Variants in CLNK observed in about 807,000 individuals in gnomAD.
CLNK encodes the protein cytokine-dependent hematopoietic cell linker.
Under a neutral mutation model 68.6 loss-of-function variants are expected in CLNK, and 74 were observed. The observed-to-expected ratio is 1.08, with a 90% CI of 0.89 to 1.31. The LOEUF (loss-of-function observed/expected upper bound fraction) is 1.31, where lower values mean the gene tolerates loss of function less well. Ranked by LOEUF, CLNK falls within the 50% of genes most tolerant of loss-of-function variation. The probability of loss-of-function intolerance (pLI) is 0.00; values close to 1 mark genes in which losing one functional copy is unlikely to be tolerated. For synonymous variants in CLNK, 198 were observed against 172.2 expected (o/e 1.15, Z -1.17); for missense variants, 553 against 515.3 (o/e 1.07, Z -0.71).
At chr4:10,687,696 C>A (rs545669650), upstream of CLNK, among the ~76,000 whole-genome samples, 1 of 152,166 alleles carries the variant, frequency 6.6e-6, no homozygotes, top group East Asian at 1.9e-4. Context: ...AAGAGCGTGA[C>A]ACAGAAGCAA....
chr4:10,552,005 G>A (rs562271762), intron 8 of CLNK, among the ~76,000 whole-genome samples: 30 of 151,880 alleles, frequency 2.0e-4, no homozygotes, highest in Non-Finnish European at 3.8e-4. Context: ...GCGTCAGAAC[G>A]CTGGGCTAAT....
intron 2 of CLNK, among the ~76,000 whole-genome samples, chr4:10,649,958 G>A (rs1444800163): frequency 6.6e-6 from 1 of 152,088 alleles, no homozygotes; most frequent in Non-Finnish European, 1.5e-5. Context: ...TAGCTGTTCA[G>A]TCTAGATATT....
At chr4:10,638,521 T>C (rs1444608897) in intron 2 of CLNK, among the ~76,000 whole-genome samples, 1 of 152,226 alleles carries the variant, frequency 6.6e-6, no homozygotes, top group East Asian at 1.9e-4. Context: ...TTATTAAATA[T>C]AGACTCTGTG....
intron 8 of CLNK, among the ~76,000 whole-genome samples, chr4:10,550,421 G>A (rs1057112403): frequency 1.3e-5 from 2 of 152,242 alleles, no homozygotes; most frequent in African/African-American, 4.8e-5. Context: ...TGTGAACCCG[G>A]GAGGCGGAGC....
the CLNK span, among the ~76,000 whole-genome samples, chr4:10,701,001 AC>A: frequency 6.6e-6 from 1 of 152,132 alleles, no homozygotes; most frequent in Admixed American, 6.5e-5. Flanking sequence ...AATCGTGATC[AC>A]CGTCTGCACC....
intron 3 of CLNK, among the ~76,000 whole-genome samples, chr4:10,591,775 C>T (rs1323499145): frequency 6.6e-6 from 1 of 152,184 alleles, no homozygotes; most frequent in Admixed American, 6.5e-5. Context: ...TCTCTCAATC[C>T]AGATGAAATT....
In CLNK at chr4:10,503,248, G is replaced by A. The variant is rs1717129318; in HGVS notation, c.985-1837C>T. On this transcript the variant is annotated intron_variant, in intron 17 of 18. Transcript: ENST00000226951. ...GGCCGACGCGGGTGGATCACTTGAG[G>A]TCAGGAGTTCGAGACTTAGCCCGGC... 2.0e-5 allele frequency among the ~76,000 whole-genome samples: 3 copies of A among 152,066 alleles called. No homozygotes were observed. The South Asian group carries it at 6.2e-4, about 32-fold the overall frequency.
intron 18 of CLNK, among the ~76,000 whole-genome samples, chr4:10,500,686 A>AT (rs397955700): frequency 6.7e-6 from 1 of 150,310 alleles, no homozygotes; most frequent in Non-Finnish European, 1.5e-5. Flanking sequence ...AAAAAAAAAA[A>AT]TGCAGATAGA....
chr4:10,706,817 A>G, the CLNK span, among the ~76,000 whole-genome samples: 1 of 151,690 alleles, frequency 6.6e-6, no homozygotes, highest in Non-Finnish European at 1.5e-5. Context: ...AAAATAAAAG[A>G]CCCCCAACCA....
the CLNK span, among the ~76,000 whole-genome samples, chr4:10,693,406 C>T: frequency 6.6e-6 from 1 of 152,162 alleles, no homozygotes; most frequent in Non-Finnish European, 1.5e-5. Flanking sequence ...GAAAAGAGAA[C>T]CCCATTTGAA....
At chr4:10,510,575 A>T (rs1278939342) in intron 16 of CLNK, among the ~76,000 whole-genome samples, 3 of 152,166 alleles carry the variant, frequency 2.0e-5, no homozygotes, top group Non-Finnish European at 2.9e-5. Context: ...TTGGGTCATG[A>T]TGGGAAGTAG....
upstream of CLNK, chr4:10,684,812 C>G (rs1250584060): frequency 1.3e-5 from 2 of 152,174 alleles, no homozygotes; most frequent in Admixed American, 1.3e-4. Context: ...TGCCCTTCAG[C>G]AGAAAACCTC....
chr4:10,676,446 A>G (rs1003295101), intron 1 of CLNK, among the ~76,000 whole-genome samples: 42 of 116,580 alleles, frequency 3.6e-4, no homozygotes, highest in African/African-American at 1.1e-3. Flanking sequence ...TTTTTCTGCT[A>G]TTATGTATGG....
intron 8 of CLNK, among the ~76,000 whole-genome samples, chr4:10,550,798 C>A (rs1413168643): frequency 6.6e-6 from 1 of 152,154 alleles, no homozygotes; most frequent in African/African-American, 2.4e-5. Flanking sequence ...AAGTTGAGAA[C>A]TTCCACCTTT....
intron 2 of CLNK, among the ~76,000 whole-genome samples, chr4:10,652,717 C>T (rs1395459226): frequency 6.6e-6 from 1 of 152,154 alleles, no homozygotes; most frequent in Non-Finnish European, 1.5e-5. Flanking sequence ...CAGACAAATT[C>T]ACAATTACTT....
intron 13 of CLNK, among the ~76,000 whole-genome samples, chr4:10,526,959 G>A (rs1560201955): frequency 6.6e-6 from 1 of 152,174 alleles, no homozygotes; most frequent in Admixed American, 6.5e-5. Context: ...GCACCAACAT[G>A]TTTTAATTGT....
chr4:10,624,527 C>T (rs1185729486), intron 2 of CLNK, among the ~76,000 whole-genome samples: 4 of 151,568 alleles, frequency 2.6e-5, no homozygotes, highest in Non-Finnish European at 5.9e-5. Flanking sequence ...CTCCTGACCT[C>T]GTGATCTGCC....
In CLNK at chr4:10,490,948, A is replaced by G. The variant is rs181881551; in HGVS notation, c.1141-335T>C. ...CCCAGCTAATTTTTGTATTTTTAGT[A>G]GAGACAGGGTTTCGCCATGTTGGCC... is the stretch of plus-strand genomic sequence containing the variant. On this transcript the variant is annotated intron_variant, in intron 18 of 18. Coordinates refer to ENST00000226951, the MANE Select transcript of CLNK (RefSeq NM_052964.4). Among the ~76,000 whole-genome samples, 1,255 of 152,068 alleles carry G rather than the reference A, an allele frequency of 8.3e-3. 11 individuals carry two copies. The highest frequency in any genetic ancestry group is 0.037 in the Middle Eastern group (11 of 294).
At chr4:10,670,408 C>T (rs993754957) in intron 1 of CLNK, among the ~76,000 whole-genome samples, 4 of 152,226 alleles carry the variant, frequency 2.6e-5, no homozygotes, top group East Asian at 1.9e-4. Context: ...TAAGTAGCAT[C>T]GAAATGGGAC....
Sources: allele counts gnomAD v4.1 joint callset (sites outside exome capture counted in the v4.1 genomes callset), GRCh38; gene constraint gnomAD v4.1.1; transcripts MANE v1.5; gene names NCBI Gene and HGNC (gene_info 2026-07-23, HGNC 2026-07-21).